The following TUBB8B variants were observed in gnomAD, a reference collection of about 807,000 sequenced individuals.
TUBB8B encodes HSA18p11 beta-tubulin 4Q pseudogene.
TUBB8B carries 26 observed loss-of-function variants against 31.9 expected under a neutral mutation model. That is an observed-to-expected ratio of 0.81 (90% CI 0.60 to 1.13). The LOEUF (loss-of-function observed/expected upper bound fraction) is 1.13, where lower values mean the gene tolerates loss of function less well. Among genes scored for constraint, TUBB8B ranks in the 50% most tolerant of loss-of-function variants. The pLI, the probability that TUBB8B is intolerant of heterozygous loss-of-function variation, is 0.00. For synonymous variants in TUBB8B, 173 were observed against 231.0 expected, an observed-to-expected ratio of 0.75 and a Z score of 2.28; for missense variants, 467 against 586.7, an observed-to-expected ratio of 0.80 and a Z score of 2.11.
At chr18:50,948 G>A (rs1463626837), upstream of TUBB8B, among the ~76,000 whole-genome samples, 1 of 151,740 alleles carries the variant, frequency 6.6e-6, no homozygotes, top group African/African-American at 2.4e-5. Context: ...AAAGCCCTTT[G>A]GGGTCAGGAG....
the TUBB8B span, among the ~76,000 whole-genome samples, chr18:55,562 A>G: frequency 4.0e-5 from 6 of 151,826 alleles, no homozygotes; most frequent in East Asian, 1.2e-3. Flanking sequence ...AGAGCCCCTT[A>G]TAAAACCATC....
At chr18:64,094 C>T in the TUBB8B span, among the ~76,000 whole-genome samples, 2 of 150,018 alleles carry the variant, frequency 1.3e-5, no homozygotes, top group Non-Finnish European at 2.9e-5. Context: ...CCCTAACCCT[C>T]ACCCTCACCC....
the TUBB8B span, among the ~76,000 whole-genome samples, chr18:62,637 G>A: frequency 1.3e-5 from 2 of 151,608 alleles, no homozygotes; most frequent in Non-Finnish European, 2.9e-5. Context: ...TAGCCAGGAT[G>A]GCCTTGATCT....
At chr18:73,153 C>G in the TUBB8B span, among the ~76,000 whole-genome samples, 1 of 152,148 alleles carries the variant, frequency 6.6e-6, no homozygotes, top group South Asian at 2.1e-4. Flanking sequence ...AACTCGCATT[C>G]GTAACCGGCA....
At chr18:65,348 T>C in the TUBB8B span, among the ~76,000 whole-genome samples, 1 of 152,100 alleles carries the variant, frequency 6.6e-6, no homozygotes, top group Admixed American at 6.6e-5. Flanking sequence ...TGTAATTTCA[T>C]ACTAGCACGT....
At chr18:50,066 G>A (rs1418331459), upstream of TUBB8B, 8 of 369,568 alleles carry the variant, frequency 2.2e-5, 1 homozygote, top group Non-Finnish European at 4.3e-5. Context: ...CAAACCCGCA[G>A]TAAGCTATGG....
chr18:66,994 T>C, the TUBB8B span, among the ~76,000 whole-genome samples: 20 of 138,562 alleles, frequency 1.4e-4, no homozygotes, highest in African/African-American at 6.0e-4. Context: ...CTTGTTTTTT[T>C]TGTTTTTTTT....
the TUBB8B span, among the ~76,000 whole-genome samples, chr18:69,189 G>A: frequency 3.9e-5 from 6 of 152,172 alleles, no homozygotes; most frequent in African/African-American, 1.4e-4. Context: ...ACTAATTACT[G>A]AAATTTAATA....
the TUBB8B span, among the ~76,000 whole-genome samples, chr18:59,509 C>A: frequency 6.7e-5 from 10 of 149,240 alleles, 1 homozygote; most frequent in Admixed American, 2.0e-4. Context: ...AATTTTTTAG[C>A]ATAATGGAAA....
chr18:64,909 C>A, the TUBB8B span, among the ~76,000 whole-genome samples: 1 of 152,090 alleles, frequency 6.6e-6, no homozygotes, highest in African/African-American at 2.4e-5. Context: ...CCAACCCATA[C>A]CCAATCCCAT....
chr18:48,175 T>A lies in TUBB8B; in HGVS notation c.550A>T (p.Asn184Tyr). The stretch of plus-strand genomic sequence containing the variant: ...AGCTGGTGGACTGAGAGGGTGGCGT[T>A]GTAGGGCTCCACCACGGTGTCCGAC... Reference protein sequence around the residue: ...KVSDTVVEPYNATLSVHQLIE... With the variant: ...KVSDTVVEPYYATLSVHQLIE... The change falls in exon 4 of 4, where the codon AAC becomes TAC. Residue 184 changes from asparagine (N) to tyrosine (Y), a missense_variant. Asn to Tyr is a moderately radical substitution (Grantham distance 143). Coordinates refer to ENST00000308911, the MANE Select transcript of TUBB8B (RefSeq NM_001358689.2). 1 of 1,613,610 alleles carries A rather than the reference T, an allele frequency of 6.2e-7. No individual in the cohort carries two copies. The highest frequency in any genetic ancestry group is 8.5e-7 in the Non-Finnish European group (1 of 1,179,496).
At chr18:61,617 G>A in the TUBB8B span, among the ~76,000 whole-genome samples, 25 of 142,196 alleles carry the variant, frequency 1.8e-4, no homozygotes, top group Middle Eastern at 3.6e-3. Context: ...TCTGTGGTAC[G>A]CTTTTTGATT....
Position 47,721 on chromosome 18 carries a change from T to C in TUBB8B, c.1004A>G (p.Asp335Gly), listed in dbSNP as rs768393245. The C allele has an allele frequency of 1.2e-6, 2 of 1,611,344 alleles. No homozygotes were observed. The highest frequency in any genetic ancestry group is 1.7e-5 in the Admixed American group (1 of 59,998). Residue 335 changes from aspartate (D) to glycine (G), a missense_variant, in exon 4 of 4, where the codon GAT becomes GGT. Around this residue, in one of 2 missense-constraint regions of TUBB8B, gnomAD observed 208 missense variants for 206.7 expected, o/e 1.01. Transcript: ENST00000308911. ...GTCAGCAAAGTAGCTGCTGTTCTTA[T>C]CTTGAATGTTGAACATTTGTTCATC... Reference protein sequence around the residue: ...EVDEQMFNIQDKNSSYFADWF... With the variant: ...EVDEQMFNIQGKNSSYFADWF...
chr18:64,080 CTAACCCTAACCCT>C, the TUBB8B span, among the ~76,000 whole-genome samples: 84 of 152,018 alleles, frequency 5.5e-4, no homozygotes, highest in Admixed American at 2.6e-3. Flanking sequence ...ACACTAACCC[CTAACCCTAACCCT>C]CACCCTCACC....
rs773323274 is a variant in TUBB8B, at chr18:47,960, C to T, written c.765G>A (p.Val255=). 8 of 1,611,440 alleles carry T rather than the reference C, an allele frequency of 5.0e-6. No homozygotes were observed. In the East Asian group the frequency reaches 1.6e-4, roughly 31 times the overall value. ...GCAGCCGGGGAAACGGGACCATGTT[C>T]ACGGCCAGCTTCCGCAGGTCAGCAT... The part of the protein sequence containing the change: ...QLNADLRKLA[V]NMVPFPRLHF... Residue 255 remains valine, a synonymous_variant, in exon 4 of 4, where the codon GTG becomes GTA. Coordinates refer to ENST00000308911, the MANE Select transcript of TUBB8B (RefSeq NM_001358689.2).
the TUBB8B span, among the ~76,000 whole-genome samples, chr18:63,669 G>GCCCTAA: frequency 1.7e-4 from 24 of 143,946 alleles, no homozygotes; most frequent in South Asian, 2.0e-3. Flanking sequence ...CCTAGCCTTA[G>GCCCTAA]CCCTAACCCT....
the TUBB8B span, among the ~76,000 whole-genome samples, chr18:69,096 G>A: frequency 3.3e-5 from 5 of 152,206 alleles, no homozygotes; most frequent in Non-Finnish European, 5.9e-5. Flanking sequence ...GGAAATAATA[G>A]TTTAATGGAA....
At chr18:52,372 G>T (rs370383921), upstream of TUBB8B, among the ~76,000 whole-genome samples, 446 of 151,420 alleles carry the variant, frequency 2.9e-3, no homozygotes, top group African/African-American at 0.01. Context: ...TCCAAAAAGA[G>T]AAAGTGGCAA....
At chr18:71,913 TCACGCG>T in the TUBB8B span, among the ~76,000 whole-genome samples, 1 of 143,338 alleles carries the variant, frequency 7.0e-6, no homozygotes, top group Non-Finnish European at 1.5e-5. Flanking sequence ...GCTCAGTGGC[TCACGCG>T]TGTAATCCCA....
Sources: allele counts gnomAD v4.1 joint callset (sites outside exome capture counted in the v4.1 genomes callset), GRCh38; gene constraint gnomAD v4.1.1; regional missense constraint gnomAD v4.1.1; transcripts MANE v1.5; gene names NCBI Gene and HGNC (gene_info 2026-07-23, HGNC 2026-07-21).